The following CNOT6 variants were observed in gnomAD, a reference collection of about 807,000 sequenced individuals.
CNOT6 encodes carbon catabolite repression 4 protein.
Under a neutral mutation model 61.2 loss-of-function variants are expected in CNOT6, and 12 were observed. The observed-to-expected ratio is 0.20, with a 90% CI of 0.13 to 0.32. The LOEUF (loss-of-function observed/expected upper bound fraction) is 0.32. Among genes scored for constraint, CNOT6 ranks in the 10% least tolerant of loss-of-function variants. The pLI, the probability that CNOT6 is intolerant of heterozygous loss-of-function variation, is 1.00. For missense variants in CNOT6, 405 were observed against 663.9 expected, an observed-to-expected ratio of 0.61 and a Z score of 4.28; for synonymous variants, 225 against 240.6, an observed-to-expected ratio of 0.94 and a Z score of 0.60.
chr5:180,564,827 G>C, intron 6 of CNOT6, 84 bp downstream of exon 6: 2 of 1,057,902 alleles, frequency 1.9e-6, no homozygotes, highest in Non-Finnish European at 2.9e-6. Context: ...TAGATTACAG[G>C]TAGCATTAAG....
At chr5:180,557,809 C>T (rs1046595792) in intron 4 of CNOT6, among the ~76,000 whole-genome samples, 3 of 152,092 alleles carry the variant, frequency 2.0e-5, no homozygotes, top group Admixed American at 2.0e-4. Flanking sequence ...CTTAGGTTTT[C>T]TTTTAAAAGT....
intron 3 of CNOT6, among the ~76,000 whole-genome samples, chr5:180,551,337 A>G (rs1056612022): frequency 6.6e-6 from 1 of 152,174 alleles, no homozygotes; most frequent in Non-Finnish European, 1.5e-5. Flanking sequence ...AGCCTGGGTG[A>G]CAGAGCAAGA....
At chr5:180,564,845 G>T (rs755987338) in intron 6 of CNOT6, 102 bp downstream of exon 6, 146 of 882,542 alleles carry the variant, frequency 1.7e-4, no homozygotes, top group Non-Finnish European at 2.5e-4. Context: ...AAGACAAAAT[G>T]TTTAAGGTTG....
At chr5:180,551,900 A>T in intron 3 of CNOT6, among the ~76,000 whole-genome samples, 10 of 140,162 alleles carry the variant, frequency 7.1e-5, no homozygotes, top group Admixed American at 1.5e-4. Flanking sequence ...ACGGAATTTT[A>T]CTCTTGTCGC....
At chr5:180,494,992 ACGGCGG>A (rs559918120) in intron 1 of CNOT6, among the ~76,000 whole-genome samples, 7 of 146,050 alleles carry the variant, frequency 4.8e-5, no homozygotes, top group East Asian at 2.2e-4. Flanking sequence ...GCGTTGATTG[ACGGCGG>A]CGGCGGCGGC....
chr5:180,546,421 T>G (rs752245083), intron 2 of CNOT6, among the ~76,000 whole-genome samples: 4 of 152,186 alleles, frequency 2.6e-5, no homozygotes, highest in Admixed American at 6.5e-5. Flanking sequence ...GCGATAACTC[T>G]TCGATTTATT....
intron 4 of CNOT6, among the ~76,000 whole-genome samples, chr5:180,563,599 C>G (rs1047005716): frequency 6.6e-6 from 1 of 152,086 alleles, no homozygotes; most frequent in Non-Finnish European, 1.5e-5. Flanking sequence ...TTTGATCATT[C>G]TTATCTACCA....
chr5:180,538,891 A>G (rs1758868239), intron 2 of CNOT6, among the ~76,000 whole-genome samples: 1 of 151,044 alleles, frequency 6.6e-6, no homozygotes, highest in South Asian at 2.1e-4. Context: ...AAGAAAAAAA[A>G]TTGTCTGGGT....
intron 1 of CNOT6, among the ~76,000 whole-genome samples, chr5:180,522,676 GGT>G (rs1004692603): frequency 5.3e-5 from 8 of 151,610 alleles, no homozygotes; most frequent in African/African-American, 1.9e-4. Context: ...TTTGAGACAG[GGT>G]CTCACTCTTG....
At chr5:180,522,029 A>T (rs139162476) in intron 1 of CNOT6, among the ~76,000 whole-genome samples, 1 of 152,094 alleles carries the variant, frequency 6.6e-6, no homozygotes, top group East Asian at 1.9e-4. Flanking sequence ...TTGTAGAAAG[A>T]TTTATTTTTC....
At chr5:180,564,947 G>T (rs1269439501) in intron 6 of CNOT6, among the ~76,000 whole-genome samples, 2 of 152,242 alleles carry the variant, frequency 1.3e-5, no homozygotes, top group Non-Finnish European at 2.9e-5. Context: ...CTATAAAGCA[G>T]TGCTTCTCAA....
Position 180,576,596 on chromosome 5 carries a change from C to T in CNOT6, c.*2396C>T, listed in dbSNP as rs1761008969. On this transcript the variant is annotated 3_prime_UTR_variant, in exon 12 of 12. Transcript: ENST00000261951. ...TGTGGATCAGTTTGAACAGCTTCTC[C>T]ACCTTATTTGGACAGTGATAAATTG... 1 of 152,554 alleles carries T rather than the reference C, an allele frequency of 6.6e-6. No homozygotes were observed. Among genetic ancestry groups the T allele is most frequent in the South Asian group, 2.1e-4 (1 of 4,828 alleles). The allele number at this position is 152,554 out of a possible 1,614,324, so 9.5% of individuals were successfully genotyped here.
At chr5:180,521,167 A>G (rs1218548250) in intron 1 of CNOT6, among the ~76,000 whole-genome samples, 1 of 152,142 alleles carries the variant, frequency 6.6e-6, no homozygotes, top group African/African-American at 2.4e-5. Flanking sequence ...TGTGGTAGTC[A>G]TGAAGTTTTT....
At chr5:180,539,263 A>G (rs1232794435) in intron 2 of CNOT6, among the ~76,000 whole-genome samples, 1 of 150,824 alleles carries the variant, frequency 6.6e-6, no homozygotes, top group Non-Finnish European at 1.5e-5. Flanking sequence ...AAGGCCCCAG[A>G]GTGAGACCCT....
In CNOT6 at chr5:180,529,259, T is replaced by C. The variant is rs984749249; in HGVS notation, c.-2-16T>C. On this transcript the variant is annotated splice_polypyrimidine_tract_variant and intron_variant, in intron 1 of 11. Coordinates refer to ENST00000261951, the MANE Select transcript of CNOT6 (RefSeq NM_001370472.1). ...TTTGATTTTTTAGAATACTGATTGG[T>C]TTCTTTTCTTAACAGGCATGCCCAA... 4.9e-6 allele frequency: 7 copies of C among 1,415,284 alleles called. No individual in the cohort carries two copies. In the African/African-American group the frequency reaches 8.5e-5, roughly 17 times the overall value. 87.7% of individuals were successfully genotyped at this position (1,415,284 alleles called of 1,614,324 possible). A position where few individuals can be genotyped will look rare whatever the true frequency, so the allele number is the denominator to read the frequency against.
Position 180,574,331 on chromosome 5 carries a change from G to T in CNOT6, c.*131G>T. The T allele has an allele frequency of 1.3e-6, 1 of 759,830 alleles. No homozygotes were observed. The allele number at this position is 759,830 out of a possible 1,614,324, so 47.1% of individuals were successfully genotyped here. On this transcript the variant is annotated 3_prime_UTR_variant, in exon 12 of 12. Transcript: ENST00000261951. The stretch of plus-strand genomic sequence containing the variant: ...ATTTGGACTTTCAATCTGATTATTT[G>T]ATAAGGATATAGTATGAAAGCCAGG...
At chr5:180,497,974 C>CT (rs1268083745) in intron 1 of CNOT6, among the ~76,000 whole-genome samples, 1 of 150,070 alleles carries the variant, frequency 6.7e-6, no homozygotes, top group East Asian at 2.0e-4. Flanking sequence ...ACCTGGGAGG[C>CT]AGAGCCTGCA....
chr5:180,544,566 A>G (rs1198118972), intron 2 of CNOT6, among the ~76,000 whole-genome samples: 2 of 151,826 alleles, frequency 1.3e-5, no homozygotes, highest in African/African-American at 2.4e-5. Flanking sequence ...CCTTATTCCC[A>G]GACTTTGTGG....
chr5:180,496,380 G>T (rs937598286), intron 1 of CNOT6, among the ~76,000 whole-genome samples: 3 of 152,190 alleles, frequency 2.0e-5, no homozygotes, highest in African/African-American at 7.2e-5. Context: ...ACTGTAATGA[G>T]GAGGGAAAGG....
Sources: gnomAD v4.1 joint callset for allele counts (sites outside exome capture counted in the v4.1 genomes callset) on GRCh38, gnomAD v4.1.1 for gene constraint, MANE v1.5 for transcripts, NCBI Gene and HGNC (gene_info 2026-07-23, HGNC 2026-07-21) for gene names.